The following ZBTB7C variants were observed in gnomAD, a reference collection of about 807,000 sequenced individuals.
The protein encoded by ZBTB7C is zinc finger and BTB domain-containing protein 7C.
In ZBTB7C, 8 loss-of-function variants were observed where a neutral mutation model predicts 25.7. The observed-to-expected ratio is 0.31, with a 90% CI of 0.18 to 0.56. ZBTB7C has a LOEUF of 0.56. Ranked by LOEUF, ZBTB7C falls within the 20% of genes least tolerant of loss-of-function variation. The pLI is 0.91. For missense variants in ZBTB7C, 824 were observed against 855.2 expected, an observed-to-expected ratio of 0.96 and a Z score of 0.46; for synonymous variants, 394 against 369.0, an observed-to-expected ratio of 1.07 and a Z score of -0.78.
chr18:48,100,722 C>A (rs2038798811), intron 3 of ZBTB7C, among the ~76,000 whole-genome samples: 2 of 152,136 alleles, frequency 1.3e-5, no homozygotes, highest in South Asian at 4.1e-4. Context: ...AAGGGGGCCG[C>A]ATTTCTTGTC....
intron 3 of ZBTB7C, among the ~76,000 whole-genome samples, chr18:48,146,293 T>G (rs920298794): frequency 2.0e-5 from 3 of 152,178 alleles, no homozygotes; most frequent in African/African-American, 7.2e-5. Context: ...GTTTCCAAAA[T>G]TTTTTGTAAT....
chr18:48,119,024 C>T lies in ZBTB7C; in HGVS notation c.-17+66910G>A, dbSNP rs545391423. Reference sequence around the variant, plus strand: ...TTATAACTAAAAAAAATTTATCAATCTCAAACTTCAGTGTTCATCAGAATC... The same window carrying T: ...TTATAACTAAAAAAAATTTATCAATTTCAAACTTCAGTGTTCATCAGAATC... On this transcript the variant is annotated intron_variant, in intron 3 of 4. Coordinates refer to ENST00000590800, the MANE Select transcript of ZBTB7C (RefSeq NM_001318841.2). 3.9e-5 allele frequency among the ~76,000 whole-genome samples: 6 copies of T among 152,116 alleles called. No homozygotes were observed. In the East Asian group the frequency reaches 1.2e-3, roughly 29 times the overall value.
intron 3 of ZBTB7C, among the ~76,000 whole-genome samples, chr18:48,059,612 T>C (rs1472385835): frequency 6.6e-6 from 1 of 152,218 alleles, no homozygotes; most frequent in African/African-American, 2.4e-5. Flanking sequence ...CTTACTACAC[T>C]GACTGCTACT....
chr18:48,174,922 A>C (rs911865015), intron 3 of ZBTB7C, among the ~76,000 whole-genome samples: 1 of 152,216 alleles, frequency 6.6e-6, no homozygotes, highest in African/African-American at 2.4e-5. Flanking sequence ...AGCAGAAAAC[A>C]ATTAAATTGG....
intron 3 of ZBTB7C, chr18:48,148,511 G>A (rs2144873624): frequency 6.6e-6 from 1 of 152,290 alleles, no homozygotes; most frequent in Non-Finnish European, 1.5e-5. Flanking sequence ...GATGGACCCA[G>A]TCTACAATAT....
intron 2 of ZBTB7C, among the ~76,000 whole-genome samples, chr18:48,266,059 A>C (rs949117172): frequency 6.6e-6 from 1 of 152,032 alleles, no homozygotes; most frequent in Non-Finnish European, 1.5e-5. Context: ...TTGGCAATTT[A>C]CTCGCAAATG....
intron 2 of ZBTB7C, among the ~76,000 whole-genome samples, chr18:48,296,194 GCCC>G (rs1029040123): frequency 2.0e-5 from 3 of 152,160 alleles, no homozygotes; most frequent in African/African-American, 7.2e-5. Context: ...ACCTGCTCAG[GCCC>G]CCTGGATGGC....
chr18:48,293,605 T>G (rs1389767931), intron 2 of ZBTB7C, among the ~76,000 whole-genome samples: 1 of 151,990 alleles, frequency 6.6e-6, no homozygotes, highest in Non-Finnish European at 1.5e-5. Flanking sequence ...GTAATTAGAA[T>G]AAAAGCAGTC....
At chr18:48,159,012 C>A (rs1027532011) in intron 3 of ZBTB7C, among the ~76,000 whole-genome samples, 4 of 151,864 alleles carry the variant, frequency 2.6e-5, no homozygotes, top group African/African-American at 4.8e-5. Flanking sequence ...GCCTGGCCAA[C>A]TGCTCCACTT....
chr18:48,142,933 C>G (rs1221208784), intron 3 of ZBTB7C, among the ~76,000 whole-genome samples: 13 of 152,154 alleles, frequency 8.5e-5, no homozygotes, highest in Admixed American at 8.5e-4. Flanking sequence ...TTCTGTGCCC[C>G]ACACCACTCC....
chr18:48,183,768 C>T (rs2041987320), intron 3 of ZBTB7C, among the ~76,000 whole-genome samples: 1 of 152,206 alleles, frequency 6.6e-6, no homozygotes, highest in Non-Finnish European at 1.5e-5. Flanking sequence ...AGCTGCACCA[C>T]CAGCAACACT....
At chr18:48,132,036 G>C (rs2040002054) in intron 3 of ZBTB7C, among the ~76,000 whole-genome samples, 1 of 152,024 alleles carries the variant, frequency 6.6e-6, no homozygotes. Flanking sequence ...TCCACTCCTA[G>C]GTATATACCC....
intron 2 of ZBTB7C, among the ~76,000 whole-genome samples, chr18:48,293,042 A>T (rs1039974607): frequency 6.6e-6 from 1 of 152,236 alleles, no homozygotes. Context: ...CAGCTTCTGC[A>T]TTGGCACAAT....
chr18:48,135,455 C>T, intron 3 of ZBTB7C, among the ~76,000 whole-genome samples: 1 of 152,132 alleles, frequency 6.6e-6, no homozygotes, highest in East Asian at 1.9e-4. Flanking sequence ...GTATTTAACC[C>T]ATTTGGGCCT....
intron 2 of ZBTB7C, among the ~76,000 whole-genome samples, chr18:48,200,998 G>A (rs73433305): frequency 0.01 from 1,535 of 152,270 alleles, 26 homozygotes; most frequent in African/African-American, 0.034. Context: ...AGGCAGGTGC[G>A]GAACATCTAA....
chr18:48,228,461 G>A (rs150548858), intron 2 of ZBTB7C, among the ~76,000 whole-genome samples: 5 of 152,240 alleles, frequency 3.3e-5, no homozygotes, highest in Admixed American at 2.0e-4. Flanking sequence ...CCTTGCTGCG[G>A]ATGGGTGGGG....
chr18:48,243,805 T>C (rs1396540002), intron 2 of ZBTB7C, among the ~76,000 whole-genome samples: 1 of 152,260 alleles, frequency 6.6e-6, no homozygotes, highest in East Asian at 1.9e-4. Flanking sequence ...CAAAACAGCA[T>C]GGTACTGGTA....
intron 2 of ZBTB7C, among the ~76,000 whole-genome samples, chr18:48,227,179 G>A (rs1394598677): frequency 6.6e-6 from 1 of 152,210 alleles, no homozygotes; most frequent in Non-Finnish European, 1.5e-5. Flanking sequence ...GGGCCAGGAG[G>A]GCTTGGACAA....
chr18:48,347,514 C>T (rs2046768777), intron 1 of ZBTB7C, among the ~76,000 whole-genome samples: 1 of 151,954 alleles, frequency 6.6e-6, no homozygotes, highest in Admixed American at 6.5e-5. Context: ...ACGTGTGCAC[C>T]CACTCCCTCC....
Sources: gnomAD v4.1 joint callset for allele counts (sites outside exome capture counted in the v4.1 genomes callset) on GRCh38, gnomAD v4.1.1 for gene constraint, MANE v1.5 for transcripts, NCBI Gene and HGNC (gene_info 2026-07-23, HGNC 2026-07-21) for gene names.